Variants in DDX19B observed in about 807,000 individuals in gnomAD.
DDX19B encodes DEAD-box helicase 19B.
In DDX19B, 27 loss-of-function variants were observed where a neutral mutation model predicts 58.1. The ratio of observed to expected loss-of-function variants is 0.46; its 90% confidence interval spans 0.34 to 0.64. DDX19B has a LOEUF of 0.64. Ranked by LOEUF, DDX19B falls within the 30% of genes least tolerant of loss-of-function variation. The pLI is 0.01. For missense variants in DDX19B, 399 were observed against 596.5 expected (o/e 0.67, Z 3.45); for synonymous variants, 187 against 214.4 (o/e 0.87, Z 1.12).
At chr16:70,299,705 C>G (rs776574067) in intron 1 of DDX19B, among the ~76,000 whole-genome samples, 12 of 152,130 alleles carry the variant, frequency 7.9e-5, no homozygotes, top group Non-Finnish European at 1.6e-4. Flanking sequence ...TGGTCTCAAG[C>G]TATCTTCCTG....
upstream of DDX19B, chr16:70,290,122 G>GC (rs1961022119): frequency 1.1e-5 from 2 of 185,522 alleles, no homozygotes; most frequent in African/African-American, 4.7e-5. Context: ...ATATATACAT[G>GC]CCAGGTGCGG....
chr16:70,298,721 TG>T (rs941208288), upstream of DDX19B, among the ~76,000 whole-genome samples: 5 of 152,044 alleles, frequency 3.3e-5, no homozygotes, highest in African/African-American at 4.8e-5. Flanking sequence ...TTCCTCCTCT[TG>T]GGGTACAAAT....
In DDX19B at chr16:70,333,517, C is replaced by T; in HGVS notation, c.1379-4C>T. ...GGGTAGAGACCTGTGTATCTTTCCC[C>T]CAGATAAGAAGATAGAAAGATTGGA... On this transcript the variant is annotated splice_polypyrimidine_tract_variant and splice_region_variant and intron_variant, in intron 11 of 11. Coordinates refer to ENST00000288071, the MANE Select transcript of DDX19B (RefSeq NM_007242.7). 3 of 1,613,956 alleles carry T rather than the reference C, an allele frequency of 1.9e-6. No individual in the cohort carries two copies. Among genetic ancestry groups the T allele is most frequent in the Non-Finnish European group, 2.5e-6 (3 of 1,179,866 alleles).
upstream of DDX19B, among the ~76,000 whole-genome samples, chr16:70,296,968 T>G (rs1961246512): frequency 6.6e-6 from 1 of 152,274 alleles, no homozygotes; most frequent in East Asian, 1.9e-4. Flanking sequence ...CAGGCTGGAG[T>G]GCAGTGGCAT....
rs1433752799 is a variant in DDX19B at position 70,329,311 on chromosome 16, C to T, written c.627C>T (p.Ile209=). 1 of 1,613,144 alleles carries T rather than the reference C, an allele frequency of 6.2e-7. No individual in the cohort carries two copies. The highest frequency in any genetic ancestry group is 8.5e-7 in the Non-Finnish European group (1 of 1,179,674). Residue 209 remains isoleucine, a synonymous_variant, in exon 8 of 12, where the codon ATC becomes ATT. Coordinates refer to ENST00000288071, the MANE Select transcript of DDX19B (RefSeq NM_007242.7). ...CCACAGTGGAAAGAGGCCAGAAGAT[C>T]AGTGAGCAGATTGTCATTGGCACCC... ...RGNKLERGQK[I]SEQIVIGTPG... is the part of the protein sequence containing the mutation.
intron 7 of DDX19B, 64 bp from the exon 8 acceptor site, chr16:70,329,222 CAAAAAA>C (rs531084597): frequency 1.7e-4 from 209 of 1,257,220 alleles, no homozygotes; most frequent in East Asian, 1.8e-4. Context: ...GACTCTGTCT[CAAAAAA>C]AAAAAAAAAA....
chr16:70,326,264 C>G (rs549082432), intron 7 of DDX19B, among the ~76,000 whole-genome samples: 1 of 152,286 alleles, frequency 6.6e-6, no homozygotes, highest in South Asian at 2.1e-4. Context: ...ATCACGAGAT[C>G]AGGAGATTGA....
chr16:70,304,989 G>T (rs1390487051), intron 1 of DDX19B, among the ~76,000 whole-genome samples: 1 of 151,886 alleles, frequency 6.6e-6, no homozygotes, highest in Non-Finnish European at 1.5e-5. Context: ...CATGTGAGGC[G>T]TGTTTTATCC....
rs372598179 is a variant in DDX19B at position 70,331,808 on chromosome 16, A to G, written c.1110A>G (p.Glu370=). 62 of 1,614,076 alleles carry G rather than the reference A, an allele frequency of 3.8e-5. No homozygotes were observed. The East Asian group carries it at 5.3e-4, about 14-fold the overall frequency. The change falls in exon 10 of 12, where the codon GAA becomes GAG. Residue 370 remains glutamate, a synonymous_variant. Coordinates refer to ENST00000288071, the MANE Select transcript of DDX19B (RefSeq NM_007242.7). ...VALLSGEMMV[E]QRAAVIERFR... ...TGCTGAGTGGGGAGATGATGGTGGA[A>G]CAGAGGGCTGCAGTGATTGAGCGCT...
At chr16:70,328,998 C>T (rs1326197057) in intron 7 of DDX19B, among the ~76,000 whole-genome samples, 2 of 151,064 alleles carry the variant, frequency 1.3e-5, no homozygotes, top group African/African-American at 4.9e-5. Flanking sequence ...AGGTGGATCA[C>T]CAGGTCAGGA....
chr16:70,310,614 T>C, intron 1 of DDX19B, among the ~76,000 whole-genome samples: 1 of 152,180 alleles, frequency 6.6e-6, no homozygotes, highest in East Asian at 1.9e-4. Context: ...TCTTAGGCCC[T>C]GCTTGATATT....
At chr16:70,317,461 G>A (rs748772671) in intron 4 of DDX19B, 35 bp from the exon 5 acceptor site, 1 of 1,546,696 alleles carries the variant, frequency 6.5e-7, no homozygotes, top group South Asian at 1.1e-5. Context: ...CTCAACCAAA[G>A]AGACTGTGAC....
intron 1 of DDX19B, among the ~76,000 whole-genome samples, chr16:70,306,680 C>T (rs989800250): frequency 6.6e-6 from 1 of 152,138 alleles, no homozygotes; most frequent in South Asian, 2.1e-4. Context: ...TTTTATTAAC[C>T]TTACAACAAC....
intron 3 of DDX19B, among the ~76,000 whole-genome samples, chr16:70,315,424 A>G (rs1962333098): frequency 6.6e-6 from 1 of 151,724 alleles, no homozygotes; most frequent in South Asian, 2.1e-4. Context: ...ATAAATAGTC[A>G]GTAGGTGAAG....
At chr16:70,323,256 AC>A (rs945662397) in intron 5 of DDX19B, among the ~76,000 whole-genome samples, 13 of 151,970 alleles carry the variant, frequency 8.6e-5, no homozygotes, top group African/African-American at 2.4e-4. Context: ...TCAGGTATGT[AC>A]CACCATGTCC....
chr16:70,295,177 C>A, upstream of DDX19B: 1 of 826,428 alleles, frequency 1.2e-6, no homozygotes, highest in Non-Finnish European at 1.6e-6. Flanking sequence ...GAACACTCTT[C>A]TTTCCACGCC....
chr16:70,329,771 C>T (rs1169748066), intron 8 of DDX19B, 60 bp from the exon 9 acceptor site: 2 of 1,604,386 alleles, frequency 1.2e-6, no homozygotes, highest in African/African-American at 2.7e-5. Context: ...GCTGGGAAGG[C>T]TGTGCTTCTG....
In DDX19B at chr16:70,333,394, A is replaced by G. The variant is rs571220390; in HGVS notation, c.1379-127A>G. 23 of 1,399,714 alleles carry G rather than the reference A, an allele frequency of 1.6e-5. No individual in the cohort carries two copies. The South Asian group carries it at 2.9e-4, about 18-fold the overall frequency. The allele number at this position is 1,399,714 out of a possible 1,614,324, so 86.7% of individuals were successfully genotyped here. ...GCGTGGGGCTCTGACTGTTGCTGTC[A>G]GTGACTAGGGGCCCTGCTGCCCCCT... On this transcript the variant is annotated intron_variant, in intron 11 of 11. Coordinates refer to ENST00000288071, the MANE Select transcript of DDX19B (RefSeq NM_007242.7).
chr16:70,316,560 A>T (rs1271870999), intron 4 of DDX19B, among the ~76,000 whole-genome samples: 1 of 152,192 alleles, frequency 6.6e-6, no homozygotes, highest in Non-Finnish European at 1.5e-5. Flanking sequence ...GCACACCTGT[A>T]ATCCCAGCAC....
Sources: gnomAD v4.1 joint callset for allele counts (sites outside exome capture counted in the v4.1 genomes callset) on GRCh38, gnomAD v4.1.1 for gene constraint, MANE v1.5 for transcripts, NCBI Gene and HGNC (gene_info 2026-07-23, HGNC 2026-07-21) for gene names.